The following IBSP variants were observed in gnomAD, a reference collection of about 807,000 sequenced individuals.
IBSP encodes integrin-binding sialoprotein.
A neutral mutation model predicts 25.5 loss-of-function variants in IBSP; 19 were observed. That is an observed-to-expected ratio of 0.74 (90% CI 0.52 to 1.09). IBSP has a LOEUF of 1.09. IBSP is among the 50% of genes least tolerant of loss of function. The pLI, the probability that IBSP is intolerant of heterozygous loss-of-function variation, is 0.00. For missense variants in IBSP, 360 were observed against 382.3 expected, an observed-to-expected ratio of 0.94 and a Z score of 0.49; for synonymous variants, 144 against 137.6, an observed-to-expected ratio of 1.05 and a Z score of -0.33.
Position 87,811,374 on chromosome 4 carries a change from A to G in IBSP, c.418A>G (p.Thr140Ala). 6.2e-7 allele frequency: 1 copy of G among 1,608,930 alleles called. No individual in the cohort carries two copies. The highest frequency in any genetic ancestry group is 8.5e-7 in the Non-Finnish European group (1 of 1,178,358). The change falls in exon 7 of 7, where the codon ACA (threonine) becomes GCA (alanine). Residue 140 changes from threonine (T) to alanine (A), a missense_variant. Physicochemically the swap from Thr to Ala is moderately conservative, Grantham distance 58 (BLOSUM62 0). Transcript: ENST00000226284. ...IQLPKKAGDITNKATKEKESD... is the reference protein window; with the variant it reads ...IQLPKKAGDIANKATKEKESD... The stretch of plus-strand genomic sequence containing the variant: ...CGTTTCCTTACAGGCTGGGGATATA[A>G]CAAATAAAGCTACAAAAGAGAAGGA...
intron 5 of IBSP, among the ~76,000 whole-genome samples, chr4:87,807,366 G>A (rs1248863922): frequency 6.6e-6 from 1 of 150,388 alleles, no homozygotes; most frequent in Admixed American, 6.6e-5. Flanking sequence ...GAAAGGTGAC[G>A]AATCATTAGT....
chr4:87,810,288 T>C (rs766691076), intron 5 of IBSP, among the ~76,000 whole-genome samples: 8 of 152,180 alleles, frequency 5.3e-5, no homozygotes, highest in Non-Finnish European at 1.0e-4. Context: ...TCTTAGAGTG[T>C]TTAGTTTCTT....
At chr4:87,811,194 G>GT (rs1040956528) in intron 6 of IBSP, among the ~76,000 whole-genome samples, 168 bp from the exon 7 acceptor site, 3 of 152,246 alleles carry the variant, frequency 2.0e-5, no homozygotes, top group Admixed American at 6.5e-5. Context: ...TGACAAAGGG[G>GT]TTTATCCTGA....
rs1722187017 is a variant in IBSP, at chr4:87,812,034, C to T, written c.*124C>T. The T allele has an allele frequency of 1.4e-6, 1 of 717,910 alleles. No homozygotes were observed. Among genetic ancestry groups the T allele is most frequent in the South Asian group, 2.9e-5 (1 of 35,028 alleles). The allele number at this position is 717,910 out of a possible 1,614,324, so 44.5% of individuals were successfully genotyped here. On this transcript the variant is annotated 3_prime_UTR_variant, in exon 7 of 7. Coordinates refer to ENST00000226284, the MANE Select transcript of IBSP (RefSeq NM_004967.4). The stretch of plus-strand genomic sequence containing the variant: ...TATAATGAGGAATGGTACTACCGTT[C>T]CAGATTTTCTGTAATTGCTTCTGCA...
Position 87,811,372 on chromosome 4 carries a change from T to C in IBSP, c.416T>C (p.Ile139Thr), listed in dbSNP as rs761118851. The change falls in exon 7 of 7, where the codon ATA (isoleucine) becomes ACA (threonine). Residue 139 changes from isoleucine to threonine, a missense_variant. Physicochemically the swap from Ile to Thr is moderately conservative, Grantham distance 89. Transcript: ENST00000226284. ...AACGTTTCCTTACAGGCTGGGGATA[T>C]AACAAATAAAGCTACAAAAGAGAAG... ...AIQLPKKAGDITNKATKEKES... is the reference protein window; with the variant it reads ...AIQLPKKAGDTTNKATKEKES... The C allele has an allele frequency of 2.5e-6, 4 of 1,607,944 alleles. No individual in the cohort carries two copies. The highest frequency in any genetic ancestry group is 1.7e-5 in the Admixed American group (1 of 58,546).
chr4:87,800,621 C>T lies in IBSP; in HGVS notation c.-15+988C>T, dbSNP rs542434766. ...GCAAAGCCTGTTTATTCCCAAGGGG[C>T]CATCAAGACCTTTTACTAAGATAGG... is the stretch of plus-strand genomic sequence containing the variant. On this transcript the variant is annotated intron_variant, in intron 1 of 6. Coordinates refer to ENST00000226284, the MANE Select transcript of IBSP (RefSeq NM_004967.4). Among the ~76,000 whole-genome samples, 31 of 152,200 alleles carry T rather than the reference C, an allele frequency of 2.0e-4. No homozygotes were observed. In the South Asian group the frequency reaches 5.8e-3, roughly 29 times the overall value.
At chr4:87,805,502 G>T (rs1215423578) in intron 4 of IBSP, among the ~76,000 whole-genome samples, 1 of 152,036 alleles carries the variant, frequency 6.6e-6, no homozygotes, top group African/African-American at 2.4e-5. Context: ...CAAATTTAAA[G>T]ATACTAAAAA....
At chr4:87,802,938 G>A (rs980730998) in intron 4 of IBSP, among the ~76,000 whole-genome samples, 1 of 152,080 alleles carries the variant, frequency 6.6e-6, no homozygotes, top group Non-Finnish European at 1.5e-5. Flanking sequence ...AAATCATTTG[G>A]ATCATTTGGG....
chr4:87,810,894 A>G (rs1429238725), intron 6 of IBSP, 130 bp downstream of exon 6: 3 of 708,662 alleles, frequency 4.2e-6, no homozygotes, highest in East Asian at 2.8e-5. Flanking sequence ...ATTTTATACT[A>G]TCTTCATTAA....
At chr4:87,800,857 A>G (rs972983648) in intron 1 of IBSP, among the ~76,000 whole-genome samples, 4 of 152,158 alleles carry the variant, frequency 2.6e-5, no homozygotes, top group Non-Finnish European at 5.9e-5. Flanking sequence ...TATTATTTTC[A>G]AAATGTATTC....
chr4:87,806,800 T>C (rs773665669), intron 5 of IBSP, among the ~76,000 whole-genome samples: 12 of 152,000 alleles, frequency 7.9e-5, no homozygotes, highest in Non-Finnish European at 1.5e-4. Flanking sequence ...AGGTCAGGAG[T>C]TTGAGACCAG....
chr4:87,810,269 C>T (rs926307330), intron 5 of IBSP, among the ~76,000 whole-genome samples: 11 of 152,104 alleles, frequency 7.2e-5, no homozygotes, highest in African/African-American at 2.7e-4. Flanking sequence ...TAATATATCA[C>T]TAAGAATTTC....
At chr4:87,808,975 C>T (rs1370575338) in intron 5 of IBSP, among the ~76,000 whole-genome samples, 3 of 152,084 alleles carry the variant, frequency 2.0e-5, no homozygotes, top group East Asian at 1.9e-4. Context: ...AGTGAAATTT[C>T]GGAGTCGAAA....
At chr4:87,806,253 T>G in intron 5 of IBSP, 69 bp downstream of exon 5, 1 of 1,190,232 alleles carries the variant, frequency 8.4e-7, no homozygotes. Context: ...ACTAGTCTAT[T>G]GCATTCTGGA....
intron 5 of IBSP, among the ~76,000 whole-genome samples, chr4:87,807,849 T>C (rs1722110983): frequency 6.6e-6 from 1 of 152,208 alleles, no homozygotes; most frequent in South Asian, 2.1e-4. Context: ...GTTTTATATC[T>C]CTTCATGCTG....
rs1560528404 is a variant in IBSP at position 87,811,483 on chromosome 4, T to TA, written c.530dup (p.Asn177LysfsTer60). 1.2e-6 allele frequency: 2 copies of TA among 1,613,342 alleles called. No homozygotes were observed. Among genetic ancestry groups the TA allele is most frequent in the African/African-American group, 1.3e-5 (1 of 74,700 alleles). On this transcript the variant is annotated frameshift_variant, in exon 7 of 7. Coordinates refer to ENST00000226284, the MANE Select transcript of IBSP (RefSeq NM_004967.4). LOFTEE classifies it low-confidence loss of function (END_TRUNC). ...GAAGTGGATGAAAACGAACAAGGCA[T>TA]AAACGGCACCAGTACCAACAGCACA...
At chr4:87,806,860 C>G (rs1292703659) in intron 5 of IBSP, among the ~76,000 whole-genome samples, 1 of 152,000 alleles carries the variant, frequency 6.6e-6, no homozygotes, top group Admixed American at 6.6e-5. Context: ...CAAAAATTAG[C>G]CAGGTGTGGT....
In IBSP at chr4:87,802,671, A is replaced by G; in HGVS notation, c.123A>G (p.Pro41=). The change falls in exon 4 of 7, where the codon CCA becomes CCG. Residue 41 remains proline (P), a synonymous_variant. Coordinates refer to ENST00000226284, the MANE Select transcript of IBSP (RefSeq NM_004967.4). Reference sequence around the variant, plus strand: ...TTTTGCAGGTCTTTAAGTACAGGCCACGATATTATCTTTACAAGCATGCCT... The same window carrying G: ...TTTTGCAGGTCTTTAAGTACAGGCCGCGATATTATCTTTACAAGCATGCCT... The part of the protein sequence containing the change: ...SEENGVFKYR[P]RYYLYKHAYF... 6.3e-7 allele frequency: 1 copy of G among 1,575,380 alleles called. No homozygotes were observed. Among genetic ancestry groups the G allele is most frequent in the East Asian group, 2.3e-5 (1 of 44,290 alleles).
intron 4 of IBSP, among the ~76,000 whole-genome samples, chr4:87,803,937 G>C (rs898277006): frequency 6.6e-6 from 1 of 152,086 alleles, no homozygotes; most frequent in Non-Finnish European, 1.5e-5. Context: ...TAGGTACATA[G>C]AGATATTCAT....
Sources: gnomAD v4.1 joint callset for allele counts (sites outside exome capture counted in the v4.1 genomes callset) on GRCh38, gnomAD v4.1.1 for gene constraint, MANE v1.5 for transcripts, NCBI Gene and HGNC (gene_info 2026-07-23, HGNC 2026-07-21) for gene names.